The following LDLRAD4 variants were observed in gnomAD, a reference collection of about 807,000 sequenced individuals.
The protein encoded by LDLRAD4 is low density lipoprotein receptor class A domain containing 4, also known as low-density lipoprotein receptor class A domain-containing protein 4.
In LDLRAD4, 5 loss-of-function variants were observed where a neutral mutation model predicts 17.0. That is an observed-to-expected ratio of 0.29 (90% CI 0.15 to 0.62). The LOEUF is 0.62. LDLRAD4 is among the 20% of genes least tolerant of loss of function. LDLRAD4 has a pLI of 0.84. For synonymous variants in LDLRAD4, 168 were observed against 171.8 expected (o/e 0.98, Z 0.17); for missense variants, 340 against 424.7 (o/e 0.80, Z 1.75).
intron 4 of LDLRAD4, among the ~76,000 whole-genome samples, chr18:13,636,652 TGCCCA>T (rs917146816): frequency 3.3e-5 from 5 of 151,334 alleles, no homozygotes; most frequent in African/African-American, 1.2e-4. Flanking sequence ...TGCACCACCG[TGCCCA>T]GCTAAATTTT....
At chr18:13,485,719 A>G (rs1157132026) in intron 3 of LDLRAD4, among the ~76,000 whole-genome samples, 1 of 152,212 alleles carries the variant, frequency 6.6e-6, no homozygotes, top group African/African-American at 2.4e-5. Context: ...GAATTTATGT[A>G]TCAAGAACCC....
At chr18:13,229,537 CAT>C (rs1025275831) in intron 1 of LDLRAD4, among the ~76,000 whole-genome samples, 16 of 152,092 alleles carry the variant, frequency 1.1e-4, no homozygotes, top group Non-Finnish European at 1.5e-5. Flanking sequence ...CTTTTGGAGA[CAT>C]AGAGACCAAG....
At chr18:13,479,937 G>C (rs2146926976) in intron 3 of LDLRAD4, among the ~76,000 whole-genome samples, 1 of 152,326 alleles carries the variant, frequency 6.6e-6, no homozygotes, top group African/African-American at 2.4e-5. Context: ...CCAAGTGCTG[G>C]GGAGGATGTG....
At chr18:13,345,729 G>A (rs2082644885) in intron 1 of LDLRAD4, among the ~76,000 whole-genome samples, 1 of 152,026 alleles carries the variant, frequency 6.6e-6, no homozygotes, top group South Asian at 2.1e-4. Context: ...TTTTTGGTTG[G>A]TAAGCTATTA....
intron 1 of LDLRAD4, among the ~76,000 whole-genome samples, chr18:13,272,084 TG>T (rs566497549): frequency 2.4e-3 from 365 of 152,072 alleles, no homozygotes; most frequent in African/African-American, 8.2e-3. Flanking sequence ...TTAGTAGAGA[TG>T]GGGTTTCACC....
intron 1 of LDLRAD4, among the ~76,000 whole-genome samples, chr18:13,226,181 T>TC (rs1491140071): frequency 4.3e-5 from 3 of 69,090 alleles, no homozygotes; most frequent in African/African-American, 1.7e-4. Context: ...CATGCCTTGC[T>TC]TTTTTTTTTT....
At chr18:13,636,576 A>G (rs1421278361) in intron 4 of LDLRAD4, among the ~76,000 whole-genome samples, 2 of 136,752 alleles carry the variant, frequency 1.5e-5, no homozygotes, top group African/African-American at 2.5e-5. Flanking sequence ...GCTCACTACA[A>G]CCTCGGCCTC....
At chr18:13,647,696 T>G (rs1887432782) in exon 6 of LDLRAD4, 1 of 152,276 alleles carries the variant, frequency 6.6e-6, no homozygotes, top group Non-Finnish European at 1.5e-5. Flanking sequence ...CACAGTAACA[T>G]CCACAGAACT....
chr18:13,505,773 G>C (rs143446463), intron 3 of LDLRAD4, among the ~76,000 whole-genome samples: 1 of 152,046 alleles, frequency 6.6e-6, no homozygotes, highest in South Asian at 2.1e-4. Context: ...AGCCGAGATC[G>C]CACCACTGCA....
intron 1 of LDLRAD4, among the ~76,000 whole-genome samples, chr18:13,285,544 C>A (rs2045572238): frequency 2.0e-5 from 3 of 152,168 alleles, no homozygotes; most frequent in Admixed American, 2.0e-4. Flanking sequence ...GGCGTGCTTC[C>A]TGCAGGAGGC....
intron 1 of LDLRAD4, among the ~76,000 whole-genome samples, chr18:13,296,560 C>A (rs1172428575): frequency 6.6e-6 from 1 of 150,750 alleles, no homozygotes; most frequent in Non-Finnish European, 1.5e-5. Context: ...GGGACCCACC[C>A]TAGGACTTCT....
At chr18:13,630,049 C>A (rs1287546369) in intron 4 of LDLRAD4, among the ~76,000 whole-genome samples, 3 of 151,982 alleles carry the variant, frequency 2.0e-5, no homozygotes, top group Non-Finnish European at 2.9e-5. Flanking sequence ...CATTCCCAGG[C>A]TGATTCCTCT....
chr18:13,261,134 A>G, intron 1 of LDLRAD4, among the ~76,000 whole-genome samples: 1 of 152,210 alleles, frequency 6.6e-6, no homozygotes, highest in East Asian at 1.9e-4. Context: ...TCTTAGCACA[A>G]CAGGCGTGAG....
intron 2 of LDLRAD4, among the ~76,000 whole-genome samples, chr18:13,418,018 C>A (rs866094555): frequency 6.6e-6 from 1 of 152,234 alleles, no homozygotes; most frequent in Admixed American, 6.5e-5. Flanking sequence ...CAACATGGCT[C>A]ACATCTCGTT....
In LDLRAD4 at chr18:13,387,481, A is replaced by C. The variant is rs1394219993; in HGVS notation, c.-242A>C. The stretch of plus-strand genomic sequence containing the variant: ...GAGGGCCAGCCCCTCCACCCGCGCC[A>C]TGGCCTCCGCGCCCTGGCTGGACGG... On this transcript the variant is annotated 5_prime_UTR_variant, in exon 2 of 6. The change abolishes an upstream ATG in the 5' untranslated region. Transcript: ENST00000359446. The C allele has an allele frequency of 2.2e-6, 1 of 449,296 alleles. No individual in the cohort carries two copies. Among genetic ancestry groups the C allele is most frequent in the African/African-American group, 2.1e-5 (1 of 46,518 alleles). 27.8% of individuals were successfully genotyped at this position (449,296 alleles called of 1,614,324 possible). A position where few individuals can be genotyped will look rare whatever the true frequency, so the allele number is the denominator to read the frequency against.
At chr18:13,438,728 G>C (rs1429625578) in intron 3 of LDLRAD4, among the ~76,000 whole-genome samples, 4 of 152,176 alleles carry the variant, frequency 2.6e-5, no homozygotes, top group African/African-American at 9.7e-5. Flanking sequence ...AAAGATATGT[G>C]GAAGGTACAT....
At chr18:13,265,852 C>T (rs1275605960) in intron 1 of LDLRAD4, among the ~76,000 whole-genome samples, 2 of 152,132 alleles carry the variant, frequency 1.3e-5, no homozygotes, top group East Asian at 1.9e-4. Context: ...AGGGGTCTTC[C>T]TCAGCCCCCT....
intron 1 of LDLRAD4, among the ~76,000 whole-genome samples, chr18:13,245,613 C>T (rs2145747979): frequency 6.6e-6 from 1 of 152,330 alleles, no homozygotes; most frequent in Non-Finnish European, 1.5e-5. Flanking sequence ...TCACTATGGC[C>T]CATGTATCCC....
At chr18:13,375,823 C>T (rs902044889) in intron 1 of LDLRAD4, among the ~76,000 whole-genome samples, 1 of 152,164 alleles carries the variant, frequency 6.6e-6, no homozygotes, top group African/African-American at 2.4e-5. Flanking sequence ...CGTTTCCTCC[C>T]GCCCGCCAGC....
Sources: gnomAD v4.1 joint callset for allele counts (sites outside exome capture counted in the v4.1 genomes callset) on GRCh38, gnomAD v4.1.1 for gene constraint, MANE v1.5 for transcripts, NCBI Gene and HGNC (gene_info 2026-07-23, HGNC 2026-07-21) for gene names.